Variants in SPEG observed in about 807,000 individuals in gnomAD.
The protein encoded by SPEG is striated muscle preferentially expressed protein kinase.
SPEG carries 114 observed loss-of-function variants against 300.4 expected under a neutral mutation model. The observed-to-expected ratio is 0.38, with a 90% CI of 0.33 to 0.44. The LOEUF is 0.44. Among genes scored for constraint, SPEG ranks in the 20% least tolerant of loss-of-function variants. SPEG has a pLI of 1.00. For synonymous variants in SPEG, 1,964 were observed against 2,018.9 expected, an observed-to-expected ratio of 0.97 and a Z score of 0.73; for missense variants, 4,201 against 4,586.2, an observed-to-expected ratio of 0.92 and a Z score of 2.43.
Position 219,484,717 on chromosome 2 carries a change from G to T in SPEG, c.7254G>T (p.Arg2418=), listed in dbSNP as rs1318365306. ...RLSLSLSQRL[R]RTPPAQRHPA... Reference sequence around the variant, plus strand: ...CGCTGTCACTGTCCCAGCGGCTGCGGCGGACCCCTCCCGCGCAGCGCCACC... The same window carrying T: ...CGCTGTCACTGTCCCAGCGGCTGCGTCGGACCCCTCCCGCGCAGCGCCACC... The change falls in exon 30 of 41, where the codon CGG becomes CGT. Residue 2418 remains arginine, a synonymous_variant. Coordinates refer to ENST00000312358, the MANE Select transcript of SPEG (RefSeq NM_005876.5). 1 of 1,502,210 alleles carries T rather than the reference G, an allele frequency of 6.7e-7. No individual in the cohort carries two copies. Among genetic ancestry groups the T allele is most frequent in the Non-Finnish European group, 8.8e-7 (1 of 1,135,826 alleles). 93.1% of individuals were successfully genotyped at this position (1,502,210 alleles called of 1,614,324 possible). A position where few individuals can be genotyped will look rare whatever the true frequency, so the allele number is the denominator to read the frequency against.
In SPEG at chr2:219,458,244, G is replaced by T. The variant is rs1038284091; in HGVS notation, c.2441-3638G>T. ...TGAGCAACGTGGGTGACACACAGAG[G>T]TGAGGCTAGGCATGACACCCAGCCA... On this transcript the variant is annotated intron_variant, in intron 6 of 40. Coordinates refer to ENST00000312358, the MANE Select transcript of SPEG (RefSeq NM_005876.5). This position sits in a 1 kb window ranked among gnomAD's most constrained non-coding sequence, Gnocchi z 4.2. 7.9e-5 allele frequency among the ~76,000 whole-genome samples: 12 copies of T among 152,170 alleles called. No individual in the cohort carries two copies. Among genetic ancestry groups the T allele is most frequent in the Non-Finnish European group, 1.5e-4 (10 of 68,046 alleles).
rs1575136302 is a variant in SPEG at position 219,473,450 on chromosome 2, T to G, written c.4148-54T>G. The G allele has an allele frequency of 6.4e-7, 1 of 1,561,288 alleles. No homozygotes were observed. On this transcript the variant is annotated intron_variant, in intron 16 of 40. Transcript: ENST00000312358. This position sits in a 1 kb window ranked among gnomAD's most constrained non-coding sequence, Gnocchi z 4.6. ...TGAGGGGTGTTAGAGGAGTGGTGGG[T>G]GCTGAGGACCTGATGTCAAGCCCAG...
At chr2:219,440,180 C>T (rs776423111) in intron 1 of SPEG, among the ~76,000 whole-genome samples, 1 of 152,036 alleles carries the variant, frequency 6.6e-6, no homozygotes, top group South Asian at 2.1e-4. Flanking sequence ...CCCAGGAGTT[C>T]GAGACCAGCT....
In SPEG at chr2:219,477,344, T is replaced by C. The variant is rs1264377707; in HGVS notation, c.4628T>C (p.Val1543Ala). ...TACGAGGAGAATGAGTGCTCCCTGG[T>C]GGTGCTCAGCACGGGGGCCCAGGAT... is the stretch of plus-strand genomic sequence containing the variant. ...FVYEENECSLVVLSTGAQDGG... is the reference protein window; with the variant it reads ...FVYEENECSLAVLSTGAQDGG... The change falls in exon 20 of 41, where the codon GTG becomes GCG. Residue 1543 changes from valine to alanine, a missense_variant. Coordinates refer to ENST00000312358, the MANE Select transcript of SPEG (RefSeq NM_005876.5). This position sits in a 1 kb window ranked among gnomAD's most constrained non-coding sequence, Gnocchi z 6.4. The C allele has an allele frequency of 6.2e-7, 1 of 1,613,634 alleles. No homozygotes were observed. The highest frequency in any genetic ancestry group is 1.7e-5 in the Admixed American group (1 of 59,964).
At position 219,484,894 on chromosome 2, in the gene SPEG, G is replaced by A; in HGVS notation, c.7431G>A (p.Ser2477=). The change falls in exon 30 of 41, where the codon TCG becomes TCA. Residue 2477 remains serine (S), a synonymous_variant. Coordinates refer to ENST00000312358, the MANE Select transcript of SPEG (RefSeq NM_005876.5). ...AGCGCAGTGGCAGCAGCGAGGACTC[G>A]GGGGGCGCGTCGGGCCGCAGCACGC... The part of the protein sequence containing the change: ...RLQRSGSSED[S]GGASGRSTPL... 6.6e-7 allele frequency: 1 copy of A among 1,525,494 alleles called. No homozygotes were observed. Among genetic ancestry groups the A allele is most frequent in the African/African-American group, 1.4e-5 (1 of 71,148 alleles). 94.5% of individuals were successfully genotyped at this position (1,525,494 alleles called of 1,614,324 possible).
chr2:219,454,467 C>A (rs1352837260), intron 6 of SPEG, among the ~76,000 whole-genome samples: 3 of 152,212 alleles, frequency 2.0e-5, no homozygotes, highest in Non-Finnish European at 4.4e-5. Flanking sequence ...TTATTGAGTG[C>A]CAACCAGGTG....
At chr2:219,461,049 G>C in intron 6 of SPEG, 2 of 952,992 alleles carry the variant, frequency 2.1e-6, no homozygotes, top group Non-Finnish European at 2.5e-6. Context: ...ACCCTGGGGA[G>C]AACCTAGGGG....
rs545834033 is a variant in SPEG at position 219,481,540 on chromosome 2, C to G, written c.5522+84C>G. The G allele has an allele frequency of 1.1e-5, 18 of 1,604,196 alleles. No homozygotes were observed. The African/African-American group carries it at 2.1e-4, about 19-fold the overall frequency. ...CTACTCCCAAACTCCTGCCCCTCGACATGCAAGCCCCCAACTCCTTAGGAG... is the reference window on the plus strand; with the variant it reads ...CTACTCCCAAACTCCTGCCCCTCGAGATGCAAGCCCCCAACTCCTTAGGAG... On this transcript the variant is annotated intron_variant, in intron 27 of 40. Transcript: ENST00000312358. The surrounding 1 kb of genome is among the most constrained non-coding windows in gnomAD (Gnocchi z 5.4).
rs2125593432 is a variant in SPEG at position 219,489,749 on chromosome 2, C to T, written c.8731C>T (p.Pro2911Ser). 1 of 1,613,620 alleles carries T rather than the reference C, an allele frequency of 6.2e-7. No individual in the cohort carries two copies. Among genetic ancestry groups the T allele is most frequent in the Non-Finnish European group, 8.5e-7 (1 of 1,179,784 alleles). Residue 2911 changes from proline to serine, a missense_variant, in exon 36 of 41, where the codon CCA (proline) becomes TCA (serine). Physicochemically the swap from Pro to Ser is moderately conservative, Grantham distance 74. Coordinates refer to ENST00000312358, the MANE Select transcript of SPEG (RefSeq NM_005876.5). ...GGTGACTTCCTTTGTGTCTGCACCA[C>T]CAGCCCCTGAGCCCCCAGCCCCTGA... ...YVVTSFVSAPPAPEPPAPEPP... is the reference protein window; with the variant it reads ...YVVTSFVSAPSAPEPPAPEPP...
chr2:219,466,865 T>C, intron 9 of SPEG: 1 of 1,143,478 alleles, frequency 8.7e-7, no homozygotes, highest in Non-Finnish European at 1.1e-6. Flanking sequence ...TGTACCTATC[T>C]GGTGTGTTGT....
At chr2:219,457,175 G>A (rs1690257648) in intron 6 of SPEG, among the ~76,000 whole-genome samples, 1 of 152,186 alleles carries the variant, frequency 6.6e-6, no homozygotes, top group Non-Finnish European at 1.5e-5. Flanking sequence ...ACTGCCTGTG[G>A]AGGACCTACT....
chr2:219,490,210 G>A (rs1333127987), intron 36 of SPEG, among the ~76,000 whole-genome samples, 199 bp from the exon 37 acceptor site: 1 of 152,240 alleles, frequency 6.6e-6, no homozygotes, highest in East Asian at 1.9e-4. Flanking sequence ...AGAAGCTATG[G>A]GATTTACCTA....
At chr2:219,453,098 T>G (rs555138731) in intron 6 of SPEG, among the ~76,000 whole-genome samples, 3 of 152,314 alleles carry the variant, frequency 2.0e-5, no homozygotes, top group African/African-American at 7.2e-5. Flanking sequence ...GGCTTCTGAC[T>G]CAGCTCCCAG....
intron 15 of SPEG, among the ~76,000 whole-genome samples, chr2:219,472,580 T>C (rs151220882): frequency 1.3e-5 from 2 of 152,282 alleles, no homozygotes; most frequent in East Asian, 3.9e-4. Flanking sequence ...GGGTCAGGAC[T>C]TGCAAATGCC....
In SPEG at chr2:219,480,636, C is replaced by G. The variant is rs370769654; in HGVS notation, c.5343-35C>G. 1 of 1,612,276 alleles carries G rather than the reference C, an allele frequency of 6.2e-7. No individual in the cohort carries two copies. The highest frequency in any genetic ancestry group is 8.5e-7 in the Non-Finnish European group (1 of 1,178,418). On this transcript the variant is annotated intron_variant, in intron 25 of 40. Coordinates refer to ENST00000312358, the MANE Select transcript of SPEG (RefSeq NM_005876.5). The surrounding 1 kb of genome is among the most constrained non-coding windows in gnomAD (Gnocchi z 5.3). ...CTGCTCCCTTCCAGTCAGAGAGGGG[C>G]GGTCCTCTTACCTATCACTCTCCTT... is the stretch of plus-strand genomic sequence containing the variant.
rs772628892 is a variant in SPEG, at chr2:219,448,319, G to A, written c.1161G>A (p.Leu387=). ...LSEASGRLSA[L]GRSPRLVRAG... ...AGGCCTCAGGCCGCCTGTCGGCGTT[G>A]GGCCGATCGCCTAGGCTGGTGCGCG... Residue 387 remains leucine, a synonymous_variant, in exon 4 of 41, where the codon TTG becomes TTA. Coordinates refer to ENST00000312358, the MANE Select transcript of SPEG (RefSeq NM_005876.5). 31 of 1,605,506 alleles carry A rather than the reference G, an allele frequency of 1.9e-5. No individual in the cohort carries two copies. The highest frequency in any genetic ancestry group is 2.5e-5 in the Non-Finnish European group (29 of 1,177,044).
rs779451211 is a variant in SPEG at position 219,449,039 on chromosome 2, C to T, written c.1881C>T (p.Pro627=). ...DPPEARTKAP[P]GRKREPPAQA... ...CAGAGGCCAGGACGAAAGCACCCCC[C>T]GGTCGGAAGCGGGAGCCCCCGGCGC... Residue 627 remains proline (P), a synonymous_variant, in exon 4 of 41, where the codon CCC becomes CCT. Coordinates refer to ENST00000312358, the MANE Select transcript of SPEG (RefSeq NM_005876.5). 3 of 1,519,018 alleles carry T rather than the reference C, an allele frequency of 2.0e-6. No homozygotes were observed. The highest frequency in any genetic ancestry group is 2.6e-6 in the Non-Finnish European group (3 of 1,133,384). 94.1% of individuals were successfully genotyped at this position (1,519,018 alleles called of 1,614,324 possible).
rs1350875685 is a variant in SPEG at position 219,435,210 on chromosome 2, G to A, written c.233G>A (p.Arg78Gln). ...GTPQPSLRWF[R>Q]DGQLLPAPAP... ...CCCCAGCCCAGCCTCCGCTGGTTCC[G>A]GGATGGGCAGCTCCTGCCCGCGCCG... The change falls in exon 1 of 41, where the codon CGG (arginine) becomes CAG (glutamine). Residue 78 changes from arginine to glutamine, a missense_variant. By Grantham distance (43) the Arg-to-Gln change is conservative (BLOSUM62 1). Coordinates refer to ENST00000312358, the MANE Select transcript of SPEG (RefSeq NM_005876.5). 6.7e-7 allele frequency: 1 copy of A among 1,483,732 alleles called. No individual in the cohort carries two copies. The highest frequency in any genetic ancestry group is 1.5e-5 in the African/African-American group (1 of 68,146). The allele number at this position is 1,483,732 out of a possible 1,614,324, so 91.9% of individuals were successfully genotyped here.
Position 219,488,823 on chromosome 2 carries a change from A to G in SPEG, c.8072A>G (p.Gln2691Arg), listed in dbSNP as rs750237289. ...LAPPEVPQTYQDTALVLWKPG... is the reference protein window; with the variant it reads ...LAPPEVPQTYRDTALVLWKPG... ...CCTCCAGAGGTACCCCAGACCTACC[A>G]GGACACGGCGCTGGTGCTGTGGAAG... The change falls in exon 34 of 41, where the codon CAG becomes CGG. Residue 2691 changes from glutamine to arginine, a missense_variant. By Grantham distance (43) the Gln-to-Arg change is conservative (BLOSUM62 1). Coordinates refer to ENST00000312358, the MANE Select transcript of SPEG (RefSeq NM_005876.5). 64 of 1,596,338 alleles carry G rather than the reference A, an allele frequency of 4.0e-5. No homozygotes were observed. Among genetic ancestry groups the G allele is most frequent in the Non-Finnish European group, 5.3e-5 (62 of 1,170,308 alleles).
Sources: gnomAD v4.1 joint callset for allele counts (sites outside exome capture counted in the v4.1 genomes callset) on GRCh38, gnomAD v4.1.1 for gene constraint, Gnocchi (gnomAD v3.1) non-coding constraint, MANE v1.5 for transcripts, NCBI Gene and HGNC (gene_info 2026-07-23, HGNC 2026-07-21) for gene names.